The following METTL27 variants were observed in gnomAD, a reference collection of about 807,000 sequenced individuals.
METTL27 encodes methyltransferase-like protein 27.
METTL27 carries 29 observed loss-of-function variants against 24.5 expected under a neutral mutation model. That is an observed-to-expected ratio of 1.18 (90% CI 0.88 to 1.61). METTL27 has a LOEUF of 1.61. METTL27 is among the 40% of genes most tolerant of loss of function. The probability of loss-of-function intolerance (pLI) is 0.00; values close to 1 mark genes in which losing one functional copy is unlikely to be tolerated. For missense variants in METTL27, 341 were observed against 324.3 expected (o/e 1.05, Z -0.40); for synonymous variants, 138 against 146.8 (o/e 0.94, Z 0.43).
rs782071382 is a variant in METTL27 at position 73,840,078 on chromosome 7, C to T, written c.431G>A (p.Gly144Asp). The change falls in exon 5 of 6, where the codon GGC becomes GAC. Residue 144 changes from glycine to aspartate, a missense_variant. By Grantham distance (94) the Gly-to-Asp change is moderately conservative. Transcript: ENST00000297873. ...AVLIVGALSDGQVPCNAIPEL... is the reference protein window; with the variant it reads ...AVLIVGALSDDQVPCNAIPEL... ...AGGTATCGCATTGCAGGGCACCTGG[C>T]CGTCACTGAGGGCACCGACTATCAG... The T allele has an allele frequency of 5.0e-6, 8 of 1,610,054 alleles. No homozygotes were observed. Among genetic ancestry groups the T allele is most frequent in the Non-Finnish European group, 6.8e-6 (8 of 1,178,914 alleles).
intron 5 of METTL27, among the ~76,000 whole-genome samples, chr7:73,835,580 C>A (rs1335319536): frequency 1.4e-5 from 2 of 142,678 alleles, no homozygotes; most frequent in African/African-American, 5.1e-5. Flanking sequence ...CACCTCCCAG[C>A]CGCCTGCCTT....
chr7:73,836,071 G>T (rs1417032378), intron 5 of METTL27, among the ~76,000 whole-genome samples: 1 of 152,032 alleles, frequency 6.6e-6, no homozygotes. Flanking sequence ...CACCCCATCC[G>T]GGAGGGAGGT....
chr7:73,836,111 GC>G (rs1261651591), intron 5 of METTL27, among the ~76,000 whole-genome samples: 5 of 150,538 alleles, frequency 3.3e-5, no homozygotes, highest in African/African-American at 4.8e-5. Context: ...CCCACCAGCC[GC>G]CCCATCCGGG....
intron 5 of METTL27, among the ~76,000 whole-genome samples, chr7:73,835,254 C>A (rs1297151078): frequency 1.4e-5 from 2 of 142,978 alleles, no homozygotes; most frequent in African/African-American, 5.2e-5. Flanking sequence ...TCTCTTTCCA[C>A]GGTCTCCCTC....
intron 2 of METTL27, 110 bp from the exon 3 acceptor site, chr7:73,841,308 AG>A: frequency 6.9e-7 from 1 of 1,453,218 alleles, no homozygotes; most frequent in South Asian, 1.5e-5. Context: ...TTGGGGATCA[AG>A]CCTGGCTGGG....
chr7:73,834,732 G>T lies in METTL27; in HGVS notation c.*11C>A, dbSNP rs202000025. 1.9e-6 allele frequency: 3 copies of T among 1,610,940 alleles called. No individual in the cohort carries two copies. Among genetic ancestry groups the T allele is most frequent in the Non-Finnish European group, 2.5e-6 (3 of 1,178,240 alleles). On this transcript the variant is annotated 3_prime_UTR_variant, in exon 6 of 6. Transcript: ENST00000297873. ...GGAGTCAGGGGCCAGCTGGGGGCTG[G>T]GGGCTGGATCTCACTTCCTCAACCT...
At chr7:73,836,105 C>A (rs1480256665) in intron 5 of METTL27, among the ~76,000 whole-genome samples, 1 of 151,530 alleles carries the variant, frequency 6.6e-6, no homozygotes, top group African/African-American at 2.4e-5. Context: ...CCCCGCCCCA[C>A]CAGCCGCCCC....
At position 73,841,213 on chromosome 7, in the gene METTL27, C is replaced by G. The variant is rs782352513; in HGVS notation, c.124-15G>C. On this transcript the variant is annotated splice_polypyrimidine_tract_variant and intron_variant, in intron 2 of 5. Coordinates refer to ENST00000297873, the MANE Select transcript of METTL27 (RefSeq NM_152559.3). ...GTGGCCACATCCTGGGGAAAGAGTG[C>G]CGGGCCTACAACACCGGTGCCCCAG... 1.9e-6 allele frequency: 3 copies of G among 1,554,272 alleles called. No individual in the cohort carries two copies. The East Asian group carries it at 7.5e-5, about 39-fold the overall frequency.
chr7:73,840,144 G>A, intron 4 of METTL27, 24 bp from the exon 5 acceptor site: 1 of 1,407,274 alleles, frequency 7.1e-7, no homozygotes, highest in Non-Finnish European at 9.8e-7. Flanking sequence ...GGGGGGGGTG[G>A]GGACATGGTG....
At chr7:73,835,934 G>T (rs1788168777) in intron 5 of METTL27, among the ~76,000 whole-genome samples, 1 of 150,464 alleles carries the variant, frequency 6.6e-6, no homozygotes, top group Non-Finnish European at 1.5e-5. Context: ...GAGCATCTCT[G>T]CCCGGCCGCC....
intron 5 of METTL27, 103 bp from the exon 6 acceptor site, chr7:73,835,105 A>T (rs1788125413): frequency 6.9e-7 from 1 of 1,449,970 alleles, no homozygotes; most frequent in African/African-American, 1.4e-5. Flanking sequence ...ATTCGACTTA[A>T]AAGATTGGGG....
Position 73,841,124 on chromosome 7 carries a change from G to T in METTL27, c.198C>A (p.Pro66=). 2 of 1,537,710 alleles carry T rather than the reference G, an allele frequency of 1.3e-6. No homozygotes were observed. The highest frequency in any genetic ancestry group is 1.7e-6 in the Non-Finnish European group (2 of 1,152,658). ...CCACGTCCAGGATCAGGGCACTGTG[G>T]GGCGGGCCTGGAAGGGCTTGTGTGA... ...DCLTQALPGP[P]HSALILDVAC... Residue 66 remains proline (P), a synonymous_variant, in exon 3 of 6, where the codon CCC becomes CCA. Coordinates refer to ENST00000297873, the MANE Select transcript of METTL27 (RefSeq NM_152559.3).
rs374062552 is a variant in METTL27 at position 73,840,132 on chromosome 7, T to TGGG, written c.389-15_389-13dup. On this transcript the variant is annotated splice_polypyrimidine_tract_variant and intron_variant, in intron 4 of 5. Coordinates refer to ENST00000297873, the MANE Select transcript of METTL27 (RefSeq NM_152559.3). Reference sequence around the variant, plus strand: ...CGCGTCGAAGGTCCCTGTGTGTGTGTGGGGGGGGGTGGGGACATGGTGTGA... The same window carrying TGGG: ...CGCGTCGAAGGTCCCTGTGTGTGTGTGGGGGGGGGGGGTGGGGACATGGTGTGA... 1.2e-6 allele frequency: 1 copy of TGGG among 820,170 alleles called. No individual in the cohort carries two copies. The highest frequency in any genetic ancestry group is 1.6e-6 in the Non-Finnish European group (1 of 618,500). 50.8% of individuals were successfully genotyped at this position (820,170 alleles called of 1,614,324 possible). A position where few individuals can be genotyped will look rare whatever the true frequency, so the allele number is the denominator to read the frequency against.
chr7:73,835,167 C>T, intron 5 of METTL27, 165 bp from the exon 6 acceptor site: 1 of 747,274 alleles, frequency 1.3e-6, no homozygotes, highest in Non-Finnish European at 2.0e-6. Context: ...TCCCTCCTCT[C>T]CCTCCTCTCC....
In METTL27 at chr7:73,841,177, G is replaced by A. The variant is rs370364417; in HGVS notation, c.145C>T (p.Arg49Cys). 10 of 1,550,932 alleles carry A rather than the reference G, an allele frequency of 6.4e-6. No individual in the cohort carries two copies. The highest frequency in any genetic ancestry group is 1.4e-5 in the African/African-American group (1 of 70,068). ...YDQDVATLLY[R>C]APRLAVDCLT... ...CAGTCCACTGCGAGGCGGGGCGCAC[G>A]GTACAGCAGGGTGGCCACATCCTGG... Residue 49 changes from arginine to cysteine, a missense_variant, in exon 3 of 6, where the codon CGT (arginine) becomes TGT (cysteine). Transcript: ENST00000297873.
rs1554635926 is a variant in METTL27, at chr7:73,839,749, TTATA to T, written c.478+278_478+281del. Reference sequence around the variant, plus strand: ...TCCTACGGGGACTGGATTGTAGCATTTATACCACCTGACTCCCAGACTGGGAAAA... The same window carrying T: ...TCCTACGGGGACTGGATTGTAGCATTCCACCTGACTCCCAGACTGGGAAAA... On this transcript the variant is annotated intron_variant, in intron 5 of 5. Coordinates refer to ENST00000297873, the MANE Select transcript of METTL27 (RefSeq NM_152559.3). 1.2e-5 allele frequency: 5 copies of T among 407,942 alleles called. No individual in the cohort carries two copies. In the East Asian group the frequency reaches 2.1e-4, roughly 17 times the overall value. 25.3% of individuals were successfully genotyped at this position (407,942 alleles called of 1,614,324 possible).
rs1406796430 is a variant in METTL27 at position 73,836,691 on chromosome 7, C to A, written c.479-1689G>T. Among the ~76,000 whole-genome samples the A allele has an allele frequency of 1.0e-4, 6 of 58,650 alleles. 1 individual carries two copies. The highest frequency in any genetic ancestry group is 1.3e-4 in the Non-Finnish European group (3 of 22,552). The allele number at this position is 58,650 out of a possible 152,430, so 38.5% of individuals were successfully genotyped here. On this transcript the variant is annotated intron_variant, in intron 5 of 5. Transcript: ENST00000297873. ...TCAGCCCCCCGCCCGGCCAGCCCCC[C>A]CATCCGGGAAGTGAGGGGCGCCTCT...
Position 73,840,398 on chromosome 7 carries a change from G to A in METTL27, c.388+16C>T. On this transcript the variant is annotated intron_variant, in intron 4 of 5. Coordinates refer to ENST00000297873, the MANE Select transcript of METTL27 (RefSeq NM_152559.3). The stretch of plus-strand genomic sequence containing the variant: ...TGAGGGTGGGCCTCGGGGTGTGGAG[G>A]TGGGAGAGAAAGTACCTTCCGGGCT... 1 of 1,561,900 alleles carries A rather than the reference G, an allele frequency of 6.4e-7. No homozygotes were observed. The highest frequency in any genetic ancestry group is 8.7e-7 in the Non-Finnish European group (1 of 1,153,322).
chr7:73,840,662 T>C (rs1788328638), intron 3 of METTL27, 113 bp from the exon 4 acceptor site: 22 of 1,390,128 alleles, frequency 1.6e-5, no homozygotes, highest in Non-Finnish European at 2.0e-5. Context: ...ATGCATTTGC[T>C]TTTTTTAAAT....
Sources: allele counts gnomAD v4.1 joint callset (sites outside exome capture counted in the v4.1 genomes callset), GRCh38; gene constraint gnomAD v4.1.1; transcripts MANE v1.5; gene names NCBI Gene and HGNC (gene_info 2026-07-23, HGNC 2026-07-21).